The following RIC1 variants were observed in gnomAD, a reference collection of about 807,000 sequenced individuals.
RIC1 encodes RIC1 partner of RAB6A GEF complex, also known as guanine nucleotide exchange factor subunit RIC1.
A neutral mutation model predicts 169.0 loss-of-function variants in RIC1; 88 were observed. The ratio of observed to expected loss-of-function variants is 0.52; its 90% CI spans 0.44 to 0.62. RIC1 has a LOEUF of 0.62. Among genes scored for constraint, RIC1 ranks in the 20% least tolerant of loss-of-function variants. The pLI is 0.00. For synonymous variants in RIC1, 790 were observed against 601.5 expected (o/e 1.31, Z -4.59); for missense variants, 1,877 against 1,725.5 (o/e 1.09, Z -1.56).
intron 2 of RIC1, among the ~76,000 whole-genome samples, chr9:5,666,870 G>C (rs1819803011): frequency 6.6e-6 from 1 of 152,052 alleles, no homozygotes; most frequent in South Asian, 2.1e-4. Context: ...GTTTCATCTG[G>C]CTTGTCTGAT....
At chr9:5,702,705 AT>A (rs957335563) in intron 3 of RIC1, among the ~76,000 whole-genome samples, 1 of 151,674 alleles carries the variant, frequency 6.6e-6, no homozygotes, top group South Asian at 2.1e-4. Flanking sequence ...TGCCCGGCTA[AT>A]TTTTTTTGTG....
chr9:5,692,114 A>G (rs1255985322), intron 3 of RIC1, among the ~76,000 whole-genome samples: 2 of 152,090 alleles, frequency 1.3e-5, no homozygotes, highest in East Asian at 3.8e-4. Flanking sequence ...TTCTTTTACT[A>G]TATTGAAAGT....
chr9:5,663,580 T>C (rs181873204), intron 2 of RIC1, among the ~76,000 whole-genome samples: 42 of 152,306 alleles, frequency 2.8e-4, no homozygotes, highest in African/African-American at 9.9e-4. Context: ...GCCCTTTGCC[T>C]TTTTTATCTT....
At chr9:5,680,225 C>T (rs1246944560) in intron 2 of RIC1, among the ~76,000 whole-genome samples, 1 of 152,164 alleles carries the variant, frequency 6.6e-6, no homozygotes, top group African/African-American at 2.4e-5. Context: ...TTTTGATGTG[C>T]TGCTGGATTC....
intron 1 of RIC1, among the ~76,000 whole-genome samples, chr9:5,653,485 G>A (rs1366534615): frequency 7.9e-5 from 12 of 152,222 alleles, no homozygotes; most frequent in African/African-American, 2.9e-4. Flanking sequence ...ATTTGATTGA[G>A]ATTGTATTAA....
At chr9:5,631,422 G>C (rs1014828750) in intron 1 of RIC1, among the ~76,000 whole-genome samples, 1 of 152,052 alleles carries the variant, frequency 6.6e-6, no homozygotes, top group Non-Finnish European at 1.5e-5. Context: ...GTTAACCTTG[G>C]TCTCTGGGCA....
intron 1 of RIC1, among the ~76,000 whole-genome samples, chr9:5,631,469 C>T: frequency 6.6e-6 from 1 of 151,878 alleles, no homozygotes; most frequent in Non-Finnish European, 1.5e-5. Context: ...CAGATATTCA[C>T]GAGGTCAAGA....
At chr9:5,649,426 AT>A (rs1818684974) in intron 1 of RIC1, among the ~76,000 whole-genome samples, 1 of 152,066 alleles carries the variant, frequency 6.6e-6, no homozygotes, top group Non-Finnish European at 1.5e-5. Context: ...TATTTCAAAA[AT>A]CTGAAATTCA....
downstream of RIC1, chr9:5,776,593 G>A (rs965096620): frequency 4.6e-5 from 7 of 151,888 alleles, no homozygotes; most frequent in East Asian, 3.9e-4. Flanking sequence ...TAACAGCCAC[G>A]AAAATCATCT....
chr9:5,632,520 C>T (rs1817766682), intron 1 of RIC1, among the ~76,000 whole-genome samples: 1 of 152,086 alleles, frequency 6.6e-6, no homozygotes, highest in Non-Finnish European at 1.5e-5. Context: ...AACAAAAGAG[C>T]CTCTAGATAG....
chr9:5,649,455 A>G (rs932008776), intron 1 of RIC1, among the ~76,000 whole-genome samples: 1 of 152,044 alleles, frequency 6.6e-6, no homozygotes, highest in African/African-American at 2.4e-5. Flanking sequence ...GCTTGATATC[A>G]TCCATTGCTG....
chr9:5,632,429 G>T (rs976983039), intron 1 of RIC1, among the ~76,000 whole-genome samples: 1 of 151,992 alleles, frequency 6.6e-6, no homozygotes, highest in Non-Finnish European at 1.5e-5. Flanking sequence ...TAGGTATTCG[G>T]AATTCCACTG....
At chr9:5,667,165 AAAT>A (rs1021273231) in intron 2 of RIC1, among the ~76,000 whole-genome samples, 1 of 151,998 alleles carries the variant, frequency 6.6e-6, no homozygotes, top group Non-Finnish European at 1.5e-5. Flanking sequence ...TCGCTACAAA[AAAT>A]AAACTTAGCC....
rs141754849 is a variant in RIC1 at position 5,687,606 on chromosome 9, A to C, written c.253-2353A>C. Among the ~76,000 whole-genome samples, 1,445 of 152,266 alleles carry C rather than the reference A, an allele frequency of 9.5e-3. 22 individuals are homozygous for C. Among genetic ancestry groups the C allele is most frequent in the African/African-American group, 0.033 (1,379 of 41,558 alleles). The stretch of plus-strand genomic sequence containing the variant: ...ATTTAGAAGTATGCAGTTAAGCTTC[A>C]AAATATTTGTGGGCTTTCCAGAATT... On this transcript the variant is annotated intron_variant, in intron 2 of 25. Coordinates refer to ENST00000414202, the MANE Select transcript of RIC1 (RefSeq NM_020829.4).
chr9:5,643,609 A>G (rs555810407), intron 1 of RIC1, among the ~76,000 whole-genome samples: 4 of 152,288 alleles, frequency 2.6e-5, no homozygotes, highest in African/African-American at 9.6e-5. Context: ...TTAAAAATAA[A>G]CTAGCACCTC....
At chr9:5,652,959 T>A (rs1393080586) in intron 1 of RIC1, among the ~76,000 whole-genome samples, 1 of 152,316 alleles carries the variant, frequency 6.6e-6, no homozygotes, top group African/African-American at 2.4e-5. Flanking sequence ...CCTGAAATGA[T>A]CATGGGGTTT....
At chr9:5,636,972 T>C (rs1456689691) in intron 1 of RIC1, among the ~76,000 whole-genome samples, 1 of 152,206 alleles carries the variant, frequency 6.6e-6, no homozygotes, top group African/African-American at 2.4e-5. Flanking sequence ...AAGGTATTTG[T>C]CATACGTGTG....
chr9:5,743,271 A>G (rs1055226074), intron 9 of RIC1, among the ~76,000 whole-genome samples: 1 of 152,188 alleles, frequency 6.6e-6, no homozygotes, highest in Admixed American at 6.5e-5. Context: ...ACAAAGCAGA[A>G]TCAGGCATGG....
chr9:5,635,393 T>C (rs1817924170), intron 1 of RIC1, among the ~76,000 whole-genome samples: 2 of 152,196 alleles, frequency 1.3e-5, no homozygotes, highest in Non-Finnish European at 2.9e-5. Context: ...TTCCTTAGCA[T>C]GTGGATATCC....
Sources: gnomAD v4.1 joint callset for allele counts (sites outside exome capture counted in the v4.1 genomes callset) on GRCh38, gnomAD v4.1.1 for gene constraint, MANE v1.5 for transcripts, NCBI Gene and HGNC (gene_info 2026-07-23, HGNC 2026-07-21) for gene names.